ADCY2: variants seen among roughly 807,000 people sequenced by gnomAD.
ADCY2 encodes adenylate cyclase type 2.
In ADCY2, 31 loss-of-function variants were observed where a neutral mutation model predicts 125.2. The ratio of observed to expected loss-of-function variants is 0.25; its 90% CI spans 0.19 to 0.33. The LOEUF is 0.33. ADCY2 is among the 10% of genes least tolerant of loss of function. The pLI, the probability that ADCY2 is intolerant of heterozygous loss-of-function variation, is 1.00. For synonymous variants in ADCY2, 512 were observed against 548.4 expected (o/e 0.93, Z 0.93); for missense variants, 904 against 1,418.2 (o/e 0.64, Z 5.82).
intron 4 of ADCY2, among the ~76,000 whole-genome samples, chr5:7,682,262 G>T (rs1028260630): frequency 6.6e-6 from 1 of 152,158 alleles, no homozygotes; most frequent in South Asian, 2.1e-4. Flanking sequence ...TTCTAAAATC[G>T]CCTGGGAATA....
At chr5:7,470,417 A>G (rs1387819134) in intron 2 of ADCY2, among the ~76,000 whole-genome samples, 1 of 150,982 alleles carries the variant, frequency 6.6e-6, no homozygotes, top group Non-Finnish European at 1.5e-5. Flanking sequence ...TCCTTTTTTC[A>G]TAGATGGCTT....
intron 3 of ADCY2, among the ~76,000 whole-genome samples, chr5:7,537,344 C>T (rs1734847252): frequency 6.6e-6 from 1 of 152,186 alleles, no homozygotes; most frequent in African/African-American, 2.4e-5. Context: ...GTCTCCACTT[C>T]AGTGTCCCAT....
intron 1 of ADCY2, among the ~76,000 whole-genome samples, chr5:7,397,732 A>G (rs907566334): frequency 6.6e-5 from 10 of 152,126 alleles, no homozygotes; most frequent in Admixed American, 2.6e-4. Flanking sequence ...ACACCACTCA[A>G]TGGTAGCTGT....
chr5:7,437,495 G>T (rs1313910365), intron 2 of ADCY2, among the ~76,000 whole-genome samples: 1 of 152,234 alleles, frequency 6.6e-6, no homozygotes, highest in African/African-American at 2.4e-5. Flanking sequence ...GAAGACCCTG[G>T]TCAGGGAAAC....
chr5:7,551,659 GGTTGAACA>G (rs546191604), intron 3 of ADCY2, among the ~76,000 whole-genome samples: 9 of 152,136 alleles, frequency 5.9e-5, no homozygotes, highest in Non-Finnish European at 8.8e-5. Context: ...ACCTCCAAAG[GGTTGAACA>G]GCCAACACTG....
intron 5 of ADCY2, chr5:7,691,872 C>A: frequency 6.3e-6 from 1 of 158,544 alleles, no homozygotes; most frequent in South Asian, 1.7e-4. Context: ...AACTTATAAT[C>A]ACGGCAGAAG....
At chr5:7,530,357 G>A (rs1258606262) in intron 3 of ADCY2, among the ~76,000 whole-genome samples, 2 of 152,218 alleles carry the variant, frequency 1.3e-5, no homozygotes, top group Non-Finnish European at 1.5e-5. Flanking sequence ...TAAGGCAAGA[G>A]TTGGATCATA....
chr5:7,791,444 A>G (rs1212180856), intron 20 of ADCY2, among the ~76,000 whole-genome samples: 1 of 152,196 alleles, frequency 6.6e-6, no homozygotes. Flanking sequence ...TGAAGTTGGC[A>G]TTAAGAAGAA....
intron 3 of ADCY2, among the ~76,000 whole-genome samples, chr5:7,570,869 A>T (rs1022426472): frequency 5.3e-5 from 8 of 152,164 alleles, no homozygotes; most frequent in African/African-American, 1.7e-4. Context: ...GGGCACTGAC[A>T]TCTGTCCTTG....
chr5:7,578,533 A>G (rs896220954), intron 3 of ADCY2, among the ~76,000 whole-genome samples: 2 of 152,028 alleles, frequency 1.3e-5, no homozygotes, highest in Non-Finnish European at 2.9e-5. Flanking sequence ...TGTATTTTGC[A>G]TTTTGTTGTT....
At chr5:7,595,206 T>C (rs1736969250) in intron 3 of ADCY2, among the ~76,000 whole-genome samples, 1 of 152,230 alleles carries the variant, frequency 6.6e-6, no homozygotes, top group Admixed American at 6.5e-5. Flanking sequence ...TAGGAATAAA[T>C]TTAAAAACAA....
intron 24 of ADCY2, among the ~76,000 whole-genome samples, chr5:7,825,247 T>TGCTGTGCGCCAC (rs1745438050): frequency 1.6e-5 from 2 of 128,334 alleles, no homozygotes; most frequent in Admixed American, 7.1e-5. Context: ...CTGTGTGACA[T>TGCTGTGCGCCAC]GACAACGCTG....
At chr5:7,650,486 G>A (rs1281211510) in intron 4 of ADCY2, among the ~76,000 whole-genome samples, 2 of 152,096 alleles carry the variant, frequency 1.3e-5, no homozygotes, top group East Asian at 1.9e-4. Context: ...TTTACAGTAC[G>A]AACTATATAA....
chr5:7,629,541 T>G (rs917783219), intron 4 of ADCY2, among the ~76,000 whole-genome samples: 3 of 152,218 alleles, frequency 2.0e-5, no homozygotes, highest in African/African-American at 4.8e-5. Context: ...AGAGATTTTC[T>G]CAGAGTTGTG....
At chr5:7,503,578 C>T (rs1315734569) in intron 2 of ADCY2, among the ~76,000 whole-genome samples, 1 of 152,152 alleles carries the variant, frequency 6.6e-6, no homozygotes, top group Non-Finnish European at 1.5e-5. Context: ...TGCCGCCTGC[C>T]GTTGGGGGGA....
chr5:7,409,035 A>AC (rs1739611304), intron 1 of ADCY2, among the ~76,000 whole-genome samples: 2 of 152,234 alleles, frequency 1.3e-5, no homozygotes, highest in Non-Finnish European at 2.9e-5. Context: ...TACACCATGG[A>AC]ATACTATGCA....
intron 5 of ADCY2, among the ~76,000 whole-genome samples, chr5:7,694,274 G>T (rs1435440702): frequency 6.6e-6 from 1 of 152,096 alleles, no homozygotes; most frequent in Non-Finnish European, 1.5e-5. Flanking sequence ...TTTTACTGTT[G>T]TAAAATATGC....
chr5:7,439,248 C>A (rs1250164191), intron 2 of ADCY2, among the ~76,000 whole-genome samples: 1 of 152,166 alleles, frequency 6.6e-6, no homozygotes, highest in Non-Finnish European at 1.5e-5. Flanking sequence ...GTTTAATTGA[C>A]TCACAGTTTT....
At chr5:7,720,183 CT>C (rs748708508) in intron 12 of ADCY2, among the ~76,000 whole-genome samples, 10 of 152,148 alleles carry the variant, frequency 6.6e-5, no homozygotes, top group Non-Finnish European at 1.5e-4. Flanking sequence ...CTTCTCTCCC[CT>C]CCACTGATCT....
Sources: gnomAD v4.1 joint callset for allele counts (sites outside exome capture counted in the v4.1 genomes callset) on GRCh38, gnomAD v4.1.1 for gene constraint, MANE v1.5 for transcripts, NCBI Gene and HGNC (gene_info 2026-07-23, HGNC 2026-07-21) for gene names.